The following LMCD1 variants were observed in gnomAD, a reference collection of about 807,000 sequenced individuals.
LMCD1 encodes the protein LIM and cysteine-rich domains protein 1.
LMCD1 carries 32 observed loss-of-function variants against 42.7 expected under a neutral mutation model. That is an observed-to-expected ratio of 0.75 (90% CI 0.57 to 1.01). The LOEUF (loss-of-function observed/expected upper bound fraction) is 1.01. Among genes scored for constraint, LMCD1 ranks in the 50% least tolerant of loss-of-function variants. LMCD1 has a pLI of 0.00. For synonymous variants in LMCD1, 178 were observed against 184.9 expected, an observed-to-expected ratio of 0.96 and a Z score of 0.30; for missense variants, 458 against 483.1, an observed-to-expected ratio of 0.95 and a Z score of 0.49.
intron 4 of LMCD1, among the ~76,000 whole-genome samples, chr3:8,560,421 C>T (rs1695012080): frequency 6.6e-6 from 1 of 152,110 alleles, no homozygotes; most frequent in Admixed American, 6.5e-5. Context: ...CGGTGCTCCC[C>T]AGACCAATCC....
chr3:8,543,488 C>T (rs2125028938), intron 3 of LMCD1, among the ~76,000 whole-genome samples: 2 of 152,190 alleles, frequency 1.3e-5, no homozygotes. Context: ...GACAGACAGA[C>T]AGACAGATAG....
At chr3:8,559,643 T>C (rs573129567) in intron 4 of LMCD1, among the ~76,000 whole-genome samples, 1 of 152,318 alleles carries the variant, frequency 6.6e-6, no homozygotes, top group African/African-American at 2.4e-5. Context: ...AGGGCCAGGA[T>C]GATGAGACCC....
intron 4 of LMCD1, among the ~76,000 whole-genome samples, chr3:8,564,195 AGT>A (rs1186668159): frequency 6.6e-6 from 1 of 152,198 alleles, no homozygotes; most frequent in Non-Finnish European, 1.5e-5. Flanking sequence ...CAAGAAACTG[AGT>A]GTGGAATATA....
At chr3:8,541,760 AG>A in intron 3 of LMCD1, among the ~76,000 whole-genome samples, 1 of 152,316 alleles carries the variant, frequency 6.6e-6, no homozygotes, top group South Asian at 2.1e-4. Flanking sequence ...GAGCAGTGCC[AG>A]GTCGTTGACT....
At chr3:8,559,459 T>C (rs1419220714) in intron 4 of LMCD1, among the ~76,000 whole-genome samples, 1 of 152,198 alleles carries the variant, frequency 6.6e-6, no homozygotes, top group Non-Finnish European at 1.5e-5. Flanking sequence ...ACTATCGCCA[T>C]TCAACAGGTG....
At chr3:8,505,572 G>A (rs1316083226) in intron 1 of LMCD1, among the ~76,000 whole-genome samples, 1 of 152,236 alleles carries the variant, frequency 6.6e-6, no homozygotes. Context: ...GGGATTAGAA[G>A]AAAGAGAGCT....
intron 3 of LMCD1, among the ~76,000 whole-genome samples, chr3:8,546,384 G>C (rs1694735105): frequency 6.6e-6 from 1 of 152,230 alleles, no homozygotes; most frequent in South Asian, 2.1e-4. Context: ...TGGCCCATGG[G>C]CTGTGGTTGG....
At chr3:8,560,394 A>T (rs1230656341) in intron 4 of LMCD1, among the ~76,000 whole-genome samples, 2 of 152,146 alleles carry the variant, frequency 1.3e-5, no homozygotes, top group African/African-American at 4.8e-5. Flanking sequence ...CCTTCAGTGT[A>T]TCATCAGGGT....
At chr3:8,555,883 C>T (rs1412417230) in intron 4 of LMCD1, among the ~76,000 whole-genome samples, 1 of 152,068 alleles carries the variant, frequency 6.6e-6, no homozygotes, top group African/African-American at 2.4e-5. Context: ...GCACTAAAGC[C>T]GCCATAGGCA....
chr3:8,510,571 C>T (rs73127945), intron 1 of LMCD1, among the ~76,000 whole-genome samples: 79 of 152,208 alleles, frequency 5.2e-4, no homozygotes, highest in African/African-American at 1.0e-3. Context: ...TAAAGACAAA[C>T]GCCCTAGAAG....
chr3:8,561,580 T>C (rs1251993301), intron 4 of LMCD1, among the ~76,000 whole-genome samples: 3 of 152,232 alleles, frequency 2.0e-5, no homozygotes, highest in Non-Finnish European at 2.9e-5. Context: ...GTCCACATGA[T>C]GGAGTAGAAA....
At chr3:8,517,598 T>C (rs1340140645) in intron 1 of LMCD1, among the ~76,000 whole-genome samples, 1 of 152,160 alleles carries the variant, frequency 6.6e-6, no homozygotes, top group Non-Finnish European at 1.5e-5. Context: ...GTCAGCATCT[T>C]TCTCTCATTT....
intron 1 of LMCD1, among the ~76,000 whole-genome samples, chr3:8,525,981 G>A (rs923523343): frequency 3.9e-5 from 6 of 152,192 alleles, no homozygotes; most frequent in African/African-American, 9.7e-5. Context: ...TACTCAAAGC[G>A]TGGTCCCTGG....
chr3:8,537,015 G>A (rs968581700), intron 2 of LMCD1, among the ~76,000 whole-genome samples, 170 bp from the exon 3 acceptor site: 2 of 152,184 alleles, frequency 1.3e-5, no homozygotes, highest in African/African-American at 4.8e-5. Context: ...TTTCCCAAAT[G>A]CAGTTCCCAA....
At chr3:8,509,718 C>A (rs2125010526) in intron 1 of LMCD1, among the ~76,000 whole-genome samples, 1 of 152,294 alleles carries the variant, frequency 6.6e-6, no homozygotes, top group African/African-American at 2.4e-5. Context: ...TTCCAACCAC[C>A]CTCAGATTTT....
At chr3:8,559,592 G>A (rs957053861) in intron 4 of LMCD1, among the ~76,000 whole-genome samples, 4 of 152,172 alleles carry the variant, frequency 2.6e-5, no homozygotes, top group Admixed American at 6.5e-5. Flanking sequence ...TGCAAACCTC[G>A]CTACAAAGAA....
rs553073357 is a variant in LMCD1, at chr3:8,532,809, G to A, written c.115G>A (p.Glu39Lys). 40 of 1,613,622 alleles carry A rather than the reference G, an allele frequency of 2.5e-5. No homozygotes were observed. Among genetic ancestry groups the A allele is most frequent in the African/African-American group, 1.5e-4 (11 of 75,000 alleles). The change falls in exon 2 of 6, where the codon GAG (glutamate) becomes AAG (lysine). Residue 39 changes from glutamate (E) to lysine (K), a missense_variant. Transcript: ENST00000157600. Reference sequence around the variant, plus strand: ...ATGCAAGGGGACGTGTTCGGGCTTCGAGCCACATTCATGGAGGTAACAGAT... The same window carrying A: ...ATGCAAGGGGACGTGTTCGGGCTTCAAGCCACATTCATGGAGGTAACAGAT... The part of the protein sequence containing the change: ...LGCKGTCSGF[E>K]PHSWRKICKS...
At chr3:8,560,766 T>C (rs961457986) in intron 4 of LMCD1, among the ~76,000 whole-genome samples, 1 of 152,126 alleles carries the variant, frequency 6.6e-6, no homozygotes, top group African/African-American at 2.4e-5. Flanking sequence ...GCCAGCTGAG[T>C]CTCAATCATG....
In LMCD1 at chr3:8,565,552, C is replaced by G; in HGVS notation, c.844C>G (p.Leu282Val). 2.5e-6 allele frequency: 4 copies of G among 1,614,178 alleles called. No individual in the cohort carries two copies. The highest frequency in any genetic ancestry group is 2.7e-5 in the African/African-American group (2 of 75,062). The change falls in exon 5 of 6, where the codon CTG (leucine) becomes GTG (valine). Residue 282 changes from leucine to valine, a missense_variant. Transcript: ENST00000157600. ...TGTGTGTGCCAAGTGCTCCGAGCCG[C>G]TGGTGGACCTCATCTACTTCTGGAA... ...CFVCAKCSEPLVDLIYFWKDG... is the reference protein window; with the variant it reads ...CFVCAKCSEPVVDLIYFWKDG...
Sources: allele counts gnomAD v4.1 joint callset (sites outside exome capture counted in the v4.1 genomes callset), GRCh38; gene constraint gnomAD v4.1.1; transcripts MANE v1.5; gene names NCBI Gene and HGNC (gene_info 2026-07-23, HGNC 2026-07-21).